Variants in HHIP observed in about 807,000 individuals in gnomAD.
HHIP encodes the protein hedgehog-interacting protein.
Under a neutral mutation model 74.0 loss-of-function variants are expected in HHIP, and 12 were observed. The observed-to-expected ratio is 0.16, with a 90% CI of 0.10 to 0.26. The LOEUF is 0.26. HHIP is among the 10% of genes least tolerant of loss of function. The probability of loss-of-function intolerance (pLI) is 1.00; values close to 1 mark genes in which losing one functional copy is unlikely to be tolerated. For synonymous variants in HHIP, 309 were observed against 311.6 expected (o/e 0.99, Z 0.09); for missense variants, 788 against 845.0 (o/e 0.93, Z 0.84).
At position 144,735,824 on chromosome 4, in the gene HHIP, C is replaced by A. The variant is rs764920880; in HGVS notation, c.1909+935C>A. Among the ~76,000 whole-genome samples the A allele has an allele frequency of 3.3e-5, 5 of 152,014 alleles. No homozygotes were observed. The East Asian group carries it at 9.7e-4, about 29-fold the overall frequency. ...ATTTTTATATTGCCTAACAAAAAAA[C>A]CAACATTTAAAACCACATATAGAGG... On this transcript the variant is annotated intron_variant, in intron 12 of 12. Coordinates refer to ENST00000296575, the MANE Select transcript of HHIP (RefSeq NM_022475.3).
intron 4 of HHIP, among the ~76,000 whole-genome samples, chr4:144,664,912 A>G (rs1728819806): frequency 6.6e-6 from 1 of 152,266 alleles, no homozygotes; most frequent in Admixed American, 6.5e-5. Flanking sequence ...GAAATAAACA[A>G]TAAATAAACT....
chr4:144,713,584 C>T (rs1730359979), intron 8 of HHIP, among the ~76,000 whole-genome samples: 1 of 151,994 alleles, frequency 6.6e-6, no homozygotes, highest in Non-Finnish European at 1.5e-5. Context: ...TAATGGCCTG[C>T]ACAGAAAGAT....
intron 4 of HHIP, among the ~76,000 whole-genome samples, chr4:144,672,695 T>A (rs565955225): frequency 8.5e-5 from 13 of 152,216 alleles, no homozygotes; most frequent in African/African-American, 3.1e-4. Context: ...ATTATTTTTT[T>A]AATTTTTATT....
chr4:144,714,329 G>A lies in HHIP; in HGVS notation c.1528G>A (p.Val510Met), dbSNP rs201301761. The part of the protein sequence containing the change: ...CQSERLYGSY[V>M]FGDRNGNFLT... ...GTCAGAAAGATTGTATGGAAGCTAC[G>A]TGTTTGGAGATCGTAATGGGTAGGT... Residue 510 changes from valine (V) to methionine (M), a missense_variant, in exon 9 of 13, where the codon GTG (valine) becomes ATG (methionine). Coordinates refer to ENST00000296575, the MANE Select transcript of HHIP (RefSeq NM_022475.3). 7.2e-5 allele frequency: 116 copies of A among 1,613,424 alleles called. No individual in the cohort carries two copies. In the South Asian group the frequency reaches 1.0e-3, roughly 14 times the overall value.
At chr4:144,656,978 C>T (rs1196943687) in intron 2 of HHIP, among the ~76,000 whole-genome samples, 2 of 151,876 alleles carry the variant, frequency 1.3e-5, no homozygotes, top group Non-Finnish European at 2.9e-5. Context: ...AGCTGCTTGC[C>T]TCTTTTTCTC....
chr4:144,654,895 A>ACTT (rs1728519279), intron 2 of HHIP: 2 of 152,220 alleles, frequency 1.3e-5, no homozygotes, highest in Admixed American at 1.3e-4. Flanking sequence ...TCATCTTTCT[A>ACTT]CAAATCAAAA....
intron 10 of HHIP, among the ~76,000 whole-genome samples, chr4:144,718,198 C>T (rs1290577793): frequency 1.3e-5 from 2 of 151,874 alleles, no homozygotes; most frequent in Non-Finnish European, 2.9e-5. Flanking sequence ...GGGGAAGGTG[C>T]GATTTTAAAG....
In HHIP at chr4:144,734,857, G is replaced by T; in HGVS notation, c.1877G>T (p.Ser626Ile). Reference protein sequence around the residue: ...YCTPTGKCCCSPGWEGDFCRT... With the variant: ...YCTPTGKCCCIPGWEGDFCRT... ...ACCCCCACGGGAAAGTGCTGCTGCAGTCCAGGCTGGGAGGGGGACTTCTGC... is the reference window on the plus strand; with the variant it reads ...ACCCCCACGGGAAAGTGCTGCTGCATTCCAGGCTGGGAGGGGGACTTCTGC... Residue 626 changes from serine to isoleucine, a missense_variant, in exon 12 of 13, where the codon AGT (serine) becomes ATT (isoleucine). This residue lies in a region of HHIP where 343 missense variants were observed against 347.9 expected (regional missense o/e 0.99). Coordinates refer to ENST00000296575, the MANE Select transcript of HHIP (RefSeq NM_022475.3). The T allele has an allele frequency of 1.2e-6, 2 of 1,612,462 alleles. No homozygotes were observed. Among genetic ancestry groups the T allele is most frequent in the Non-Finnish European group, 1.7e-6 (2 of 1,178,740 alleles).
chr4:144,681,742 A>G (rs574312333), intron 4 of HHIP, among the ~76,000 whole-genome samples: 1 of 152,322 alleles, frequency 6.6e-6, no homozygotes, highest in African/African-American at 2.4e-5. Flanking sequence ...CAGACTTCTT[A>G]TCTCACAGCA....
intron 4 of HHIP, among the ~76,000 whole-genome samples, chr4:144,666,801 T>C (rs1728876473): frequency 6.6e-6 from 1 of 152,198 alleles, no homozygotes; most frequent in Non-Finnish European, 1.5e-5. Flanking sequence ...CCACTGTTCC[T>C]ACCAAGTCTT....
At chr4:144,673,797 T>C (rs192755755) in intron 4 of HHIP, among the ~76,000 whole-genome samples, 22 of 152,316 alleles carry the variant, frequency 1.4e-4, no homozygotes, top group Admixed American at 9.1e-4. Context: ...AGTAGAATAA[T>C]CCCAAATATC....
chr4:144,706,618 C>A lies in HHIP; in HGVS notation c.919C>A (p.Gln307Lys). Residue 307 changes from glutamine to lysine, a missense_variant, in exon 5 of 13, where the codon CAA becomes AAA. This residue lies in a region of HHIP where 373 missense variants were observed against 366.4 expected (regional missense o/e 1.02). Transcript: ENST00000296575. ...GKLYVSYTTN[Q>K]ERWAIGPHDH... ...GTTGTATGTGTCCTATACCACCAAC[C>A]AAGAACGGTGGGCTATCGGGCCTCA... 6.2e-7 allele frequency: 1 copy of A among 1,613,702 alleles called. No homozygotes were observed. The highest frequency in any genetic ancestry group is 8.5e-7 in the Non-Finnish European group (1 of 1,179,774).
intron 11 of HHIP, among the ~76,000 whole-genome samples, chr4:144,727,778 C>A (rs112799938): frequency 4.6e-5 from 7 of 152,066 alleles, no homozygotes; most frequent in Admixed American, 4.6e-4. Context: ...TATCCACATA[C>A]CCTTTTAGAT....
At position 144,737,704 on chromosome 4, in the gene HHIP, C is replaced by G. The variant is rs551632621; in HGVS notation, c.1910-60C>G. On this transcript the variant is annotated intron_variant, in intron 12 of 12. Transcript: ENST00000296575. ...AGCAAATATTTGTTGGTCTCATGCT[C>G]AGTCCTGTTTCTGACATACAGAATG... 1.6e-5 allele frequency: 23 copies of G among 1,418,058 alleles called. No homozygotes were observed. The African/African-American group carries it at 3.1e-4, about 19-fold the overall frequency. 87.8% of individuals were successfully genotyped at this position (1,418,058 alleles called of 1,614,324 possible).
chr4:144,712,080 A>T lies in HHIP; in HGVS notation c.1423+9A>T, dbSNP rs1234404716. Reference sequence around the variant, plus strand: ...AAAGGGGAAAGATTATGGTATGTAGAGCATAATTTGCTGATTTTGCTTTAG... The same window carrying T: ...AAAGGGGAAAGATTATGGTATGTAGTGCATAATTTGCTGATTTTGCTTTAG... On this transcript the variant is annotated intron_variant, in intron 8 of 12. Transcript: ENST00000296575. The T allele has an allele frequency of 6.2e-7, 1 of 1,607,104 alleles. No homozygotes were observed. Among genetic ancestry groups the T allele is most frequent in the Non-Finnish European group, 8.5e-7 (1 of 1,176,782 alleles).
Position 144,737,945 on chromosome 4 carries a change from T to C in HHIP, c.2091T>C (p.Ser697=), listed in dbSNP as rs1357078559. 1 of 1,604,152 alleles carries C rather than the reference T, an allele frequency of 6.2e-7. No individual in the cohort carries two copies. The highest frequency in any genetic ancestry group is 1.7e-5 in the Admixed American group (1 of 59,400). ...DMTSYLLDLT[S]YIV is the part of the protein sequence containing the mutation. Reference sequence around the variant, plus strand: ...CATCTTACTTGCTGGATCTAACAAGTTACATTGTATAGTTTCTGGGACTGT... The same window carrying C: ...CATCTTACTTGCTGGATCTAACAAGCTACATTGTATAGTTTCTGGGACTGT... Residue 697 remains serine, a synonymous_variant, in exon 13 of 13, where the codon AGT becomes AGC. Transcript: ENST00000296575.
rs1224268821 is a variant in HHIP at position 144,646,617 on chromosome 4, T to C, written c.-59T>C. 4 of 1,553,472 alleles carry C rather than the reference T, an allele frequency of 2.6e-6. No homozygotes were observed. The highest frequency in any genetic ancestry group is 3.5e-6 in the Non-Finnish European group (4 of 1,140,598). On this transcript the variant is annotated 5_prime_UTR_variant, in exon 1 of 13. Coordinates refer to ENST00000296575, the MANE Select transcript of HHIP (RefSeq NM_022475.3). ...TGGAGCTGCGCCCTAGTGCCCCTGC[T>C]GGGCAGTGGCGTTCCCCCCCATCCT...
At chr4:144,722,291 T>C (rs1375883220) in intron 11 of HHIP, among the ~76,000 whole-genome samples, 1 of 152,166 alleles carries the variant, frequency 6.6e-6, no homozygotes, top group East Asian at 1.9e-4. Context: ...CTCTAAATCT[T>C]CCTTAGTGTA....
chr4:144,712,079 G>A lies in HHIP; in HGVS notation c.1423+8G>A. On this transcript the variant is annotated splice_region_variant and intron_variant, in intron 8 of 12. Coordinates refer to ENST00000296575, the MANE Select transcript of HHIP (RefSeq NM_022475.3). ...TAAAGGGGAAAGATTATGGTATGTA[G>A]AGCATAATTTGCTGATTTTGCTTTA... 6.2e-7 allele frequency: 1 copy of A among 1,607,948 alleles called. No individual in the cohort carries two copies. The highest frequency in any genetic ancestry group is 8.5e-7 in the Non-Finnish European group (1 of 1,176,948).
Sources: allele counts gnomAD v4.1 joint callset (sites outside exome capture counted in the v4.1 genomes callset), GRCh38; gene constraint gnomAD v4.1.1; regional missense constraint gnomAD v4.1.1; transcripts MANE v1.5; gene names NCBI Gene and HGNC (gene_info 2026-07-23, HGNC 2026-07-21).